Variants in BICRAL observed in about 807,000 individuals in gnomAD.
The protein encoded by BICRAL is BRD4-interacting chromatin-remodeling complex-associated protein-like.
A neutral mutation model predicts 91.8 loss-of-function variants in BICRAL; 8 were observed. The ratio of observed to expected loss-of-function variants is 0.09; its 90% CI spans 0.05 to 0.16. BICRAL has a LOEUF of 0.16. Ranked by LOEUF, BICRAL falls within the 10% of genes least tolerant of loss-of-function variation. The pLI, the probability that BICRAL is intolerant of heterozygous loss-of-function variation, is 1.00. For synonymous variants in BICRAL, 445 were observed against 491.1 expected (o/e 0.91, Z 1.24); for missense variants, 1,038 against 1,310.9 (o/e 0.79, Z 3.21).
intron 1 of BICRAL, among the ~76,000 whole-genome samples, chr6:42,765,338 C>G (rs759029477): frequency 4.6e-5 from 7 of 152,176 alleles, no homozygotes; most frequent in Non-Finnish European, 1.0e-4. Flanking sequence ...ATTTGTAGCT[C>G]TGACAATTGG....
chr6:42,852,850 C>G (rs1765233087), intron 7 of BICRAL, among the ~76,000 whole-genome samples: 1 of 151,750 alleles, frequency 6.6e-6, no homozygotes, highest in Non-Finnish European at 1.5e-5. Context: ...GTAATCCCAG[C>G]ACTTTGGGAG....
chr6:42,822,938 A>C lies in BICRAL; in HGVS notation c.94A>C (p.Asn32His). The change falls in exon 5 of 13, where the codon AAT (asparagine) becomes CAT (histidine). Residue 32 changes from asparagine (N) to histidine (H), a missense_variant. This residue lies in a region of BICRAL where 115 missense variants were observed against 121.5 expected (regional missense o/e 0.95). Coordinates refer to ENST00000314073, the MANE Select transcript of BICRAL (RefSeq NM_001393499.1). ...TATTGAATTTGTATCTTTGCAGAGC[A>C]ATGATGACTTGACTAATGCAGGATA... ...FLHGPSNKSSNDDLTNAGYSA... is the reference protein window; with the variant it reads ...FLHGPSNKSSHDDLTNAGYSA... The C allele has an allele frequency of 6.2e-7, 1 of 1,608,822 alleles. No individual in the cohort carries two copies. Among genetic ancestry groups the C allele is most frequent in the Non-Finnish European group, 8.5e-7 (1 of 1,175,276 alleles).
chr6:42,747,098 T>A (rs1309934986), intron 1 of BICRAL: 1 of 152,022 alleles, frequency 6.6e-6, no homozygotes, highest in South Asian at 2.1e-4. Flanking sequence ...AAGCGGTACA[T>A]TATTTCTAGG....
At chr6:42,757,645 C>G (rs796596942) in intron 1 of BICRAL, among the ~76,000 whole-genome samples, 86 of 152,320 alleles carry the variant, frequency 5.6e-4, no homozygotes, top group African/African-American at 1.9e-3. Flanking sequence ...CCTCGGCCTC[C>G]CAAATTGCTG....
intron 9 of BICRAL, among the ~76,000 whole-genome samples, chr6:42,856,148 C>T (rs1029662149): frequency 6.6e-6 from 1 of 151,560 alleles, no homozygotes; most frequent in Non-Finnish European, 1.5e-5. Flanking sequence ...GGCAACATGG[C>T]TCTGCAAAAA....
rs1419857270 is a variant in BICRAL, at chr6:42,829,587, G to A, written c.1254G>A (p.Gln418=). The A allele has an allele frequency of 6.2e-7, 1 of 1,614,058 alleles. No individual in the cohort carries two copies. The highest frequency in any genetic ancestry group is 8.5e-7 in the Non-Finnish European group (1 of 1,180,032). ...GTTCCAACTCGGTACACCACGTCCA[G>A]ACTATAAATGGGCAACTTCTTCAAA... ...SVSSNSVHHV[Q]TINGQLLQTQ... The change falls in exon 6 of 13, where the codon CAG becomes CAA. Residue 418 remains glutamine, a synonymous_variant. Transcript: ENST00000314073.
chr6:42,799,641 CTA>C (rs1450140109), intron 1 of BICRAL, among the ~76,000 whole-genome samples: 1 of 152,134 alleles, frequency 6.6e-6, no homozygotes, highest in Non-Finnish European at 1.5e-5. Flanking sequence ...CCAACTGAAA[CTA>C]TGTATCTCAT....
intron 1 of BICRAL, among the ~76,000 whole-genome samples, chr6:42,796,944 C>T (rs1294641318): frequency 1.3e-5 from 2 of 150,488 alleles, no homozygotes; most frequent in African/African-American, 2.4e-5. Flanking sequence ...ACTTGGAAGA[C>T]TGAGGCAGGA....
At chr6:42,857,369 T>C in intron 10 of BICRAL, 133 bp downstream of exon 10, 1 of 673,728 alleles carries the variant, frequency 1.5e-6, no homozygotes, top group Non-Finnish European at 2.5e-6. Context: ...ACCAAACTTG[T>C]TCCCTGTTTA....
upstream of BICRAL, among the ~76,000 whole-genome samples, chr6:42,781,622 T>TGTGG (rs1562457273): frequency 6.8e-6 from 1 of 147,742 alleles, no homozygotes. Flanking sequence ...TGTGTGTGTG[T>TGTGG]GGAGAGAGAG....
At chr6:42,857,614 A>AAAAAAAATAT in intron 10 of BICRAL, among the ~76,000 whole-genome samples, 121 of 96,194 alleles carry the variant, frequency 1.3e-3, no homozygotes, top group South Asian at 1.7e-3. Context: ...AAAAAAAAAA[A>AAAAAAAATAT]ATATATATAT....
In BICRAL at chr6:42,755,864, G is replaced by C. The variant is rs140201340; in HGVS notation, c.-261+8841G>C. ...TTTTTTTTGTATTTTAGTAGAGATG[G>C]GGTTTCACCGTGTTGCCCAGGTTGG... On this transcript the variant is annotated intron_variant, in intron 1 of 14. Transcript: ENST00000614467. Among the ~76,000 whole-genome samples, 867 of 151,952 alleles carry C rather than the reference G, an allele frequency of 5.7e-3. 9 individuals carry two copies. The highest frequency in any genetic ancestry group is 0.02 in the African/African-American group (823 of 41,438).
At chr6:42,783,231 G>T (rs1029916481) in intron 1 of BICRAL, among the ~76,000 whole-genome samples, 1 of 151,752 alleles carries the variant, frequency 6.6e-6, no homozygotes, top group Non-Finnish European at 1.5e-5. Context: ...CACCGCCGAG[G>T]ATCCGCGGCC....
rs762242813 is a variant in BICRAL, at chr6:42,828,746, A to G, written c.413A>G (p.Gln138Arg). ...ASIGSSQQFA[Q>R]AQLHPSSSAS... Reference sequence around the variant, plus strand: ...ATAGGTTCAAGCCAACAGTTTGCACAAGCTCAGCTTCATCCTTCTTCATCA... The same window carrying G: ...ATAGGTTCAAGCCAACAGTTTGCACGAGCTCAGCTTCATCCTTCTTCATCA... The change falls in exon 6 of 13, where the codon CAA becomes CGA. Residue 138 changes from glutamine (Q) to arginine (R), a missense_variant. By Grantham distance (43) the Gln-to-Arg change is conservative. Around this residue, in one of 5 missense-constraint regions of BICRAL, gnomAD observed 532 missense variants for 724.9 expected, o/e 0.73. Transcript: ENST00000314073. 2 of 1,614,228 alleles carry G rather than the reference A, an allele frequency of 1.2e-6. No individual in the cohort carries two copies. Among genetic ancestry groups the G allele is most frequent in the Admixed American group, 3.3e-5 (2 of 60,014 alleles).
intron 6 of BICRAL, among the ~76,000 whole-genome samples, chr6:42,845,618 T>A (rs1280352824): frequency 1.3e-5 from 2 of 152,046 alleles, no homozygotes; most frequent in Non-Finnish European, 2.9e-5. Context: ...TAGCTCTCCT[T>A]CATTGTTCTC....
At chr6:42,855,773 T>C (rs1765331634) in intron 8 of BICRAL, 83 bp from the exon 9 acceptor site, 1 of 1,063,294 alleles carries the variant, frequency 9.4e-7, no homozygotes, top group African/African-American at 1.6e-5. Flanking sequence ...TAGTTGAAAA[T>C]ATGTGAACTA....
Position 42,866,669 on chromosome 6 carries a change from C to A in BICRAL, c.*1223C>A, listed in dbSNP as rs553081399. ...AAGGAAAGATCTGAGACATGGGATT[C>A]CCATTTGAGAGCCAAAGGATATGCC... On this transcript the variant is annotated 3_prime_UTR_variant, in exon 13 of 13. Coordinates refer to ENST00000314073, the MANE Select transcript of BICRAL (RefSeq NM_001393499.1). 1 of 371,456 alleles carries A rather than the reference C, an allele frequency of 2.7e-6. No individual in the cohort carries two copies. The highest frequency in any genetic ancestry group is 5.4e-6 in the Non-Finnish European group (1 of 186,834). The allele number at this position is 371,456 out of a possible 1,614,324, so 23.0% of individuals were successfully genotyped here.
Position 42,865,501 on chromosome 6 carries a change from C to T in BICRAL, c.*55C>T, listed in dbSNP as rs535461272. 3.0e-4 allele frequency: 287 copies of T among 946,488 alleles called. 1 individual carries two copies. The highest frequency in any genetic ancestry group is 6.6e-4 in the Middle Eastern group (2 of 3,018). The allele number at this position is 946,488 out of a possible 1,614,324, so 58.6% of individuals were successfully genotyped here. On this transcript the variant is annotated 3_prime_UTR_variant, in exon 13 of 13. Transcript: ENST00000314073. ...GAGACCCCACCCCGAGACCCCACCCCGGACCAGTTACATTCGTTCCTGGCA... is the reference window on the plus strand; with the variant it reads ...GAGACCCCACCCCGAGACCCCACCCTGGACCAGTTACATTCGTTCCTGGCA...
chr6:42,782,189 T>A (rs1169197895), intron 1 of BICRAL, 88 bp downstream of exon 1: 1 of 150,796 alleles, frequency 6.6e-6, no homozygotes, highest in South Asian at 1.9e-4. Flanking sequence ...TCTGCCTCTT[T>A]CCTTCGGGGA....
Sources: gnomAD v4.1 joint callset for allele counts (sites outside exome capture counted in the v4.1 genomes callset) on GRCh38, gnomAD v4.1.1 for gene constraint, gnomAD v4.1.1 regional missense constraint, MANE v1.5 for transcripts, NCBI Gene and HGNC (gene_info 2026-07-23, HGNC 2026-07-21) for gene names.